Variants in PCSK4 observed in about 807,000 individuals in gnomAD.
PCSK4 encodes the protein testicular tissue protein Li 135.
PCSK4 carries 64 observed loss-of-function variants against 80.3 expected under a neutral mutation model. That is an observed-to-expected ratio of 0.80 (90% CI 0.65 to 0.98). The LOEUF (loss-of-function observed/expected upper bound fraction) is 0.98. PCSK4 is among the 50% of genes least tolerant of loss of function. PCSK4 has a pLI of 0.00. For missense variants in PCSK4, 1,213 were observed against 1,093.6 expected (o/e 1.11, Z -1.54); for synonymous variants, 561 against 487.6 (o/e 1.15, Z -1.98).
chr19:1,484,291 C>G (rs2084487716), intron 8 of PCSK4, among the ~76,000 whole-genome samples, 164 bp from the exon 9 acceptor site: 1 of 152,006 alleles, frequency 6.6e-6, no homozygotes, highest in Non-Finnish European at 1.5e-5. Context: ...AGTTCAAGAC[C>G]AGCCTGGTCA....
At chr19:1,487,195 C>G in exon 7 of PCSK4, 1 of 1,608,166 alleles carries the variant, frequency 6.2e-7, no homozygotes, top group Non-Finnish European at 8.5e-7. Flanking sequence ...GGCCGTCCAC[C>G]GTGCGGCCGT....
At chr19:1,487,987 G>C in exon 4 of PCSK4, 1 of 1,613,140 alleles carries the variant, frequency 6.2e-7, no homozygotes, top group South Asian at 1.1e-5. Flanking sequence ...AGGTCCGGGT[G>C]GTCCTTCTCG....
At chr19:1,488,817 G>A (rs997484450) in intron 2 of PCSK4, among the ~76,000 whole-genome samples, 11 of 152,142 alleles carry the variant, frequency 7.2e-5, no homozygotes, top group African/African-American at 2.7e-4. Context: ...CTGAGCTTAA[G>A]TGATCTGCCT....
intron 4 of PCSK4, 44 bp downstream of exon 4, chr19:1,487,920 C>G: frequency 1.3e-6 from 2 of 1,586,234 alleles, no homozygotes; most frequent in Non-Finnish European, 1.7e-6. Context: ...GTGCCAGCCT[C>G]GGCACCTGGG....
Position 1,484,106 on chromosome 19 carries a change from C to G in PCSK4, c.1090G>C (p.Gly364Arg), listed in dbSNP as rs142695530. The change falls in exon 9 of 15, where the codon GGG (glycine) becomes CGG (arginine). Residue 364 changes from glycine (G) to arginine (R), a missense_variant. Gly to Arg is a moderately radical substitution (Grantham distance 125). Transcript: ENST00000300954. ...GTGCCCGTGTGCTGGTCTGTGCACC[C>G]GTGATGCAGGTCCGTGGTGACCTGA... 1,589 of 1,564,526 alleles carry G rather than the reference C, an allele frequency of 1.0e-3. 4 individuals carry two copies. The highest frequency in any genetic ancestry group is 1.8e-3 in the South Asian group (156 of 85,222).
exon 15 of PCSK4, chr19:1,482,107 G>A: frequency 2.6e-6 from 4 of 1,552,854 alleles, no homozygotes; most frequent in Non-Finnish European, 3.5e-6. Context: ...GCGCCGCCGT[G>A]TGCCCAGGCC....
chr19:1,483,455 A>G, exon 12 of PCSK4: 1 of 1,469,492 alleles, frequency 6.8e-7, no homozygotes, highest in Non-Finnish European at 9.1e-7. Context: ...GATCAGCGGC[A>G]GGATGGGGCT....
rs957322184 is a variant in PCSK4, at chr19:1,483,577, G to A, written c.1391+73C>T. 2.8e-6 allele frequency: 4 copies of A among 1,425,206 alleles called. No individual in the cohort carries two copies. In the East Asian group the frequency reaches 7.0e-5, roughly 25 times the overall value. 88.3% of individuals were successfully genotyped at this position (1,425,206 alleles called of 1,614,324 possible). A position where few individuals can be genotyped will look rare whatever the true frequency, so the allele number is the denominator to read the frequency against. ...GGGGTCCAGCCCTCGTTTTACAGAT[G>A]GGTAAACTGAGGCCTCAGGCCTGTC... is the stretch of plus-strand genomic sequence containing the variant. On this transcript the variant is annotated intron_variant, in intron 11 of 14. Transcript: ENST00000300954.
At position 1,489,902 on chromosome 19, in the gene PCSK4, G is replaced by A. The variant is rs781676367; in HGVS notation, c.190-5C>T. On this transcript the variant is annotated splice_polypyrimidine_tract_variant and splice_region_variant and intron_variant, in intron 1 of 14. Transcript: ENST00000300954. ...GTACTGCCCGTCAGGGAAGATCTGG[G>A]GATGTGGGGAAGCGGCCGCACCGAT... 2 of 1,603,292 alleles carry A rather than the reference G, an allele frequency of 1.2e-6. No individual in the cohort carries two copies. Among genetic ancestry groups the A allele is most frequent in the South Asian group, 2.2e-5 (2 of 89,420 alleles).
chr19:1,487,045 C>A, exon 8 of PCSK4: 1 of 1,606,732 alleles, frequency 6.2e-7, no homozygotes, highest in Non-Finnish European at 8.5e-7. Context: ...AGATGAAGAG[C>A]GTGCCCAGCC....
exon 8 of PCSK4, chr19:1,486,864 C>T (rs768786411): frequency 5.0e-6 from 8 of 1,596,998 alleles, no homozygotes; most frequent in South Asian, 1.1e-5. Flanking sequence ...ATCTGGGGGT[C>T]GGTGGCCACG....
intron 6 of PCSK4, 26 bp from the exon 7 acceptor site, chr19:1,487,339 C>A: frequency 6.5e-7 from 1 of 1,537,152 alleles, no homozygotes; most frequent in East Asian, 2.3e-5. Context: ...GGGAGGGCCG[C>A]TGCCACCGGC....
chr19:1,482,754 G>T, intron 13 of PCSK4, 142 bp downstream of exon 13: 3 of 896,140 alleles, frequency 3.3e-6, no homozygotes, highest in Non-Finnish European at 5.1e-6. Context: ...CCGGGTGACT[G>T]CACGCCTACT....
rs779758769 is a variant in PCSK4, at chr19:1,483,427, T to C, written c.1428A>G (p.Val476=). ...AGTTGTGGAGGCCGGCGCAGGCCGATACGTTTTCCCTGATGTAGATCAGCG... is the reference window on the plus strand; with the variant it reads ...AGTTGTGGAGGCCGGCGCAGGCCGACACGTTTTCCCTGATGTAGATCAGCG... Residue 476 remains valine (V), a synonymous_variant, in exon 12 of 15, where the codon GTA becomes GTG. Coordinates refer to ENST00000300954, the Ensembl canonical transcript of PCSK4. 1.2e-5 allele frequency: 19 copies of C among 1,600,350 alleles called. No homozygotes were observed. In the East Asian group the frequency reaches 4.2e-4, roughly 36 times the overall value.
intron 2 of PCSK4, among the ~76,000 whole-genome samples, chr19:1,488,684 G>T (rs111809676): frequency 2.6e-5 from 4 of 151,762 alleles, no homozygotes; most frequent in Admixed American, 6.6e-5. Context: ...GGGTTCAAGC[G>T]ATTCTCCTAC....
intron 6 of PCSK4, 69 bp from the exon 7 acceptor site, chr19:1,487,382 G>T: frequency 7.9e-7 from 1 of 1,263,304 alleles, no homozygotes; most frequent in Non-Finnish European, 1.1e-6. Context: ...CCCGCCCCGC[G>T]CCACTCCACA....
intron 8 of PCSK4, among the ~76,000 whole-genome samples, chr19:1,485,680 G>T (rs1808640587): frequency 6.6e-6 from 1 of 151,988 alleles, no homozygotes. Context: ...GATCATCCTG[G>T]CTAACATGGT....
In PCSK4 at chr19:1,483,960, G is replaced by A; in HGVS notation, c.1170-19C>T. On this transcript the variant is annotated intron_variant, in intron 9 of 14. Transcript: ENST00000300954. ...GAACGGGCTGCGGGGGGCGGGGGCG[G>A]GGGCGGGTGAGCCGCCGGGCCGCGC... 6.9e-7 allele frequency: 1 copy of A among 1,439,590 alleles called. No individual in the cohort carries two copies. The highest frequency in any genetic ancestry group is 9.1e-7 in the Non-Finnish European group (1 of 1,098,186). 89.2% of individuals were successfully genotyped at this position (1,439,590 alleles called of 1,614,324 possible).
rs1051328151 is a variant in PCSK4 at position 1,481,783 on chromosome 19, C to G, written c.2244G>C (p.Gln748His). 2.6e-6 allele frequency: 4 copies of G among 1,513,792 alleles called. No individual in the cohort carries two copies. The African/African-American group carries it at 5.6e-5, about 21-fold the overall frequency. The allele number at this position is 1,513,792 out of a possible 1,614,324, so 93.8% of individuals were successfully genotyped here. ...TTCAGGTTCCAGCTGGCAGCCAGAC[C>G]TGGGGTTTGGTGGGGGTGGCCCTGG... Residue 748 changes from glutamine to histidine, a missense_variant, in exon 15 of 15, where the codon CAG becomes CAC. Physicochemically the swap from Gln to His is conservative, Grantham distance 24. Coordinates refer to ENST00000300954, the Ensembl canonical transcript of PCSK4.
Sources: allele counts gnomAD v4.1 joint callset (sites outside exome capture counted in the v4.1 genomes callset), GRCh38; gene constraint gnomAD v4.1.1; transcripts MANE v1.5; gene names NCBI Gene and HGNC (gene_info 2026-07-23, HGNC 2026-07-21).